ANKDD1B: variants seen among roughly 807,000 people sequenced by gnomAD.
ANKDD1B encodes the protein ankyrin repeat and death domain-containing protein 1B.
ANKDD1B carries 57 observed loss-of-function variants against 59.7 expected under a neutral mutation model. The observed-to-expected ratio is 0.95, with a 90% CI of 0.77 to 1.19. The LOEUF (loss-of-function observed/expected upper bound fraction) is 1.19, where lower values mean the gene tolerates loss of function less well. ANKDD1B is among the 50% of genes most tolerant of loss of function. The pLI is 0.00. For missense variants in ANKDD1B, 602 were observed against 641.9 expected (o/e 0.94, Z 0.67); for synonymous variants, 216 against 239.5 (o/e 0.90, Z 0.91).
chr5:75,643,803 A>G lies in ANKDD1B; in HGVS notation c.798+7921A>G, dbSNP rs1318426318. Among the ~76,000 whole-genome samples, 2 of 21,220 alleles carry G rather than the reference A, an allele frequency of 9.4e-5. 1 individual carries two copies. The highest frequency in any genetic ancestry group is 1.5e-4 in the Non-Finnish European group (2 of 13,472). The allele number at this position is 21,220 out of a possible 152,430, so 13.9% of individuals were successfully genotyped here. On this transcript the variant is annotated intron_variant, in intron 7 of 13. Coordinates refer to ENST00000601380, the MANE Select transcript of ANKDD1B (RefSeq NM_001276713.2). ...TCCAAGACACATAATTGTCAGATTC[A>G]CCAAAGTTGAAATGAAGGAAAAAAT... is the stretch of plus-strand genomic sequence containing the variant.
chr5:75,647,292 A>G (rs1774656679), intron 7 of ANKDD1B, among the ~76,000 whole-genome samples: 2 of 117,846 alleles, frequency 1.7e-5, no homozygotes, highest in Admixed American at 1.6e-4. Context: ...AGCAAAAGAA[A>G]CTACCATCAG....
intron 2 of ANKDD1B, among the ~76,000 whole-genome samples, chr5:75,617,897 A>G (rs934758884): frequency 2.6e-5 from 4 of 152,098 alleles, no homozygotes; most frequent in African/African-American, 4.8e-5. Flanking sequence ...ATCATGTCCC[A>G]CGTGCAGTGG....
intron 11 of ANKDD1B, among the ~76,000 whole-genome samples, chr5:75,663,754 C>G (rs1775226794): frequency 3.3e-5 from 5 of 152,238 alleles, no homozygotes; most frequent in Admixed American, 3.3e-4. Flanking sequence ...TATAATGGGC[C>G]TAGCGTGTGA....
intron 8 of ANKDD1B, among the ~76,000 whole-genome samples, chr5:75,653,700 A>C (rs1356102675): frequency 2.0e-5 from 3 of 152,236 alleles, no homozygotes; most frequent in Non-Finnish European, 4.4e-5. Context: ...CAGAATTAAC[A>C]AAGGTCCTCT....
At chr5:75,616,614 C>T (rs745598293) in intron 1 of ANKDD1B, among the ~76,000 whole-genome samples, 190 bp from the exon 2 acceptor site, 3 of 152,170 alleles carry the variant, frequency 2.0e-5, no homozygotes, top group Non-Finnish European at 4.4e-5. Flanking sequence ...AAAGCGCTTG[C>T]AGCATGAGGA....
intron 7 of ANKDD1B, 35 bp from the exon 8 acceptor site, chr5:75,653,107 G>A: frequency 7.2e-7 from 1 of 1,381,114 alleles, no homozygotes; most frequent in East Asian, 2.5e-5. Context: ...ATTATAATGA[G>A]AGTTCCTCCT....
chr5:75,622,180 T>G (rs1468777311), intron 3 of ANKDD1B, among the ~76,000 whole-genome samples: 1 of 152,198 alleles, frequency 6.6e-6, no homozygotes, highest in Non-Finnish European at 1.5e-5. Context: ...GTGGCTGTTG[T>G]GCATATGTCT....
Position 75,611,790 on chromosome 5 carries a change from T to TG in ANKDD1B, c.158dup (p.Glu54ArgfsTer16). The stretch of plus-strand genomic sequence containing the variant: ...CCCGGATCCCGAAGCGGGAGGGTCT[T>TG]GGAGAGGAGGACACAGCAGTTGCCG... On this transcript the variant is annotated frameshift_variant, in exon 1 of 14. Coordinates refer to ENST00000601380, the MANE Select transcript of ANKDD1B (RefSeq NM_001276713.2). LOFTEE classifies it high-confidence loss of function. The TG allele has an allele frequency of 8.1e-7, 1 of 1,231,858 alleles. No individual in the cohort carries two copies. Among genetic ancestry groups the TG allele is most frequent in the African/African-American group, 1.6e-5 (1 of 64,384 alleles). The allele number at this position is 1,231,858 out of a possible 1,614,324, so 76.3% of individuals were successfully genotyped here. A position where few individuals can be genotyped will look rare whatever the true frequency, so the allele number is the denominator to read the frequency against.
Position 75,663,555 on chromosome 5 carries a change from A to G in ANKDD1B, c.1191+66A>G, listed in dbSNP as rs554326179. 43 of 1,272,556 alleles carry G rather than the reference A, an allele frequency of 3.4e-5. 1 individual carries two copies. Among genetic ancestry groups the G allele is most frequent in the African/African-American group, 2.5e-4 (17 of 68,026 alleles). 78.8% of individuals were successfully genotyped at this position (1,272,556 alleles called of 1,614,324 possible). ...CAACACCCATCTTCTTGCAGGGGCA[A>G]TGGGGGGGTCTGTGCCATTCTTTGC... On this transcript the variant is annotated intron_variant, in intron 11 of 13. Transcript: ENST00000601380.
chr5:75,652,404 A>T (rs1774856713), intron 7 of ANKDD1B, among the ~76,000 whole-genome samples: 1 of 152,170 alleles, frequency 6.6e-6, no homozygotes, highest in Admixed American at 6.5e-5. Flanking sequence ...TCCTAATAAT[A>T]GCTCCCCTTC....
intron 3 of ANKDD1B, among the ~76,000 whole-genome samples, chr5:75,621,453 C>G (rs976552168): frequency 6.6e-6 from 1 of 152,016 alleles, no homozygotes; most frequent in Non-Finnish European, 1.5e-5. Flanking sequence ...CTCAGCTGTT[C>G]CATGCATTCT....
intron 12 of ANKDD1B, 55 bp from the exon 13 acceptor site, chr5:75,669,197 G>T: frequency 2.4e-6 from 3 of 1,230,390 alleles, no homozygotes; most frequent in Non-Finnish European, 3.0e-6. Context: ...AGATCACAAT[G>T]GAAAGAGATA....
At chr5:75,659,582 T>C (rs1316804109) in intron 10 of ANKDD1B, among the ~76,000 whole-genome samples, 3 of 152,232 alleles carry the variant, frequency 2.0e-5, no homozygotes, top group Non-Finnish European at 4.4e-5. Flanking sequence ...AGAAAAAATA[T>C]GTGTTTTTAA....
intron 13 of ANKDD1B, among the ~76,000 whole-genome samples, chr5:75,670,240 T>A (rs1044616447): frequency 1.3e-5 from 2 of 152,244 alleles, no homozygotes; most frequent in African/African-American, 4.8e-5. Flanking sequence ...TATCTTGTTT[T>A]TATTATTATT....
chr5:75,666,350 C>A (rs1416144044), intron 11 of ANKDD1B, among the ~76,000 whole-genome samples: 1 of 152,144 alleles, frequency 6.6e-6, no homozygotes, highest in African/African-American at 2.4e-5. Context: ...AATGAGGGAC[C>A]AGCTGTGGGG....
chr5:75,641,888 T>C (rs1774475387), intron 7 of ANKDD1B, among the ~76,000 whole-genome samples: 1 of 152,162 alleles, frequency 6.6e-6, no homozygotes, highest in African/African-American at 2.4e-5. Context: ...TGCATTCAGA[T>C]AGATGATAAA....
chr5:75,634,504 A>G (rs1238474297), intron 5 of ANKDD1B: 1 of 162,658 alleles, frequency 6.1e-6, no homozygotes, highest in Non-Finnish European at 1.4e-5. Context: ...TATAATGTGC[A>G]GGTGCCTGAG....
At chr5:75,663,266 G>T (rs758418262) in intron 10 of ANKDD1B, 128 bp from the exon 11 acceptor site, 18 of 684,492 alleles carry the variant, frequency 2.6e-5, no homozygotes, top group Non-Finnish European at 4.3e-5. Context: ...AGAAGCAAAG[G>T]ACTGGCCTAA....
At chr5:75,659,236 T>G in intron 9 of ANKDD1B, 47 bp from the exon 10 acceptor site, 6 of 1,394,126 alleles carry the variant, frequency 4.3e-6, no homozygotes, top group Non-Finnish European at 5.9e-6. Context: ...ACTTTCCATT[T>G]GTCTTTTCAC....
Sources: gnomAD v4.1 joint callset for allele counts (sites outside exome capture counted in the v4.1 genomes callset) on GRCh38, gnomAD v4.1.1 for gene constraint, MANE v1.5 for transcripts, NCBI Gene and HGNC (gene_info 2026-07-23, HGNC 2026-07-21) for gene names.